Variants in PHEX observed in about 807,000 individuals in gnomAD.
PHEX encodes the protein phosphate-regulating neutral endopeptidase PHEX.
In PHEX, 16 loss-of-function variants were observed where a neutral mutation model predicts 68.0. The observed-to-expected ratio is 0.24, with a 90% confidence interval of 0.16 to 0.36. The LOEUF (loss-of-function observed/expected upper bound fraction) is 0.36, where lower values mean the gene tolerates loss of function less well. Among genes scored for constraint, PHEX ranks in the 10% least tolerant of loss-of-function variants. The pLI is 1.00. For synonymous variants in PHEX, 208 were observed against 205.1 expected (o/e 1.01, Z -0.12); for missense variants, 480 against 575.5 (o/e 0.83, Z 1.70).
At chrX:22,044,800 C>T (rs1319443452) in intron 2 of PHEX, among the ~76,000 whole-genome samples, 1 of 111,131 alleles carries the variant, frequency 9.0e-6, no homozygotes, top group Non-Finnish European at 1.9e-5. Context: ...GATGCTAGTT[C>T]TGAAGCACGA....
chrX:22,121,051 T>C lies in PHEX; in HGVS notation c.1302+6465T>C, dbSNP rs1420384283. ...TGCTTATCTTTATTCATATATCTCA[T>C]CTCTGCCAGTAGGTATTTTTTGCTG... On this transcript the variant is annotated intron_variant, in intron 11 of 21. Coordinates refer to ENST00000379374, the MANE Select transcript of PHEX (RefSeq NM_000444.6). 2.7e-5 allele frequency among the ~76,000 whole-genome samples: 3 copies of C among 112,273 alleles called. No individual in the cohort carries two copies. In the East Asian group the frequency reaches 8.4e-4, roughly 31 times the overall value.
At chrX:22,158,710 A>G (rs750588607) in intron 12 of PHEX, among the ~76,000 whole-genome samples, 1 of 112,315 alleles carries the variant, frequency 8.9e-6, no homozygotes, top group South Asian at 3.7e-4. Flanking sequence ...AGTCACATAT[A>G]TAAAAAGTAG....
intron 9 of PHEX, among the ~76,000 whole-genome samples, chrX:22,105,004 A>G (rs759319698): frequency 8.9e-6 from 1 of 112,442 alleles, no homozygotes; most frequent in East Asian, 2.8e-4. Flanking sequence ...TTAAAGTAAG[A>G]TGATTCTTGT....
At chrX:22,188,908 C>T (rs1271040910) in intron 14 of PHEX, among the ~76,000 whole-genome samples, 1 of 112,130 alleles carries the variant, frequency 8.9e-6, no homozygotes, top group African/African-American at 3.2e-5. Flanking sequence ...TCCCCCATTC[C>T]CCTACCGCCC....
At chrX:22,060,177 A>G (rs1452706406) in intron 3 of PHEX, among the ~76,000 whole-genome samples, 1 of 107,303 alleles carries the variant, frequency 9.3e-6, no homozygotes, top group Non-Finnish European at 1.9e-5. Context: ...AAAAAAGTCA[A>G]TTCTTATTCG....
At chrX:22,200,318 C>A (rs1439041860) in intron 15 of PHEX, among the ~76,000 whole-genome samples, 2 of 112,255 alleles carry the variant, frequency 1.8e-5, no homozygotes, top group Non-Finnish European at 3.8e-5. Flanking sequence ...GAATTACAGT[C>A]ACGTGATAGG....
chrX:22,136,192 T>A (rs1157002579), intron 12 of PHEX, among the ~76,000 whole-genome samples: 1 of 111,340 alleles, frequency 9.0e-6, no homozygotes, highest in Non-Finnish European at 1.9e-5. Flanking sequence ...AAAAAAAATT[T>A]CTTGCCCTTT....
chrX:22,146,248 T>C (rs1215953230), intron 12 of PHEX, among the ~76,000 whole-genome samples: 1 of 112,364 alleles, frequency 8.9e-6, no homozygotes, highest in Non-Finnish European at 1.9e-5. Flanking sequence ...GGTAGCACCT[T>C]ACTAACTTGA....
rs993603252 is a variant in PHEX at position 22,248,291 on chromosome X, T to G, written c.*338T>G. 4.2e-6 allele frequency: 1 copy of G among 236,670 alleles called. No homozygotes were observed. The highest frequency in any genetic ancestry group is 7.6e-6 in the Non-Finnish European group (1 of 130,746). The allele number at this position is 236,670 out of a possible 1,213,427, so 19.5% of individuals were successfully genotyped here. ...TTATGTGGTACATAGCATTTCAATC[T>G]ATAGCTTTGTGGGAAGCCTAAATTG... On this transcript the variant is annotated 3_prime_UTR_variant, in exon 22 of 22. Transcript: ENST00000379374.
chrX:22,041,265 C>CTA lies in PHEX; in HGVS notation c.187+2764_187+2765dup, dbSNP rs556410356. 5.2e-4 allele frequency among the ~76,000 whole-genome samples: 38 copies of CTA among 72,809 alleles called. 1 individual carries two copies. The highest frequency in any genetic ancestry group is 7.1e-3 in the Middle Eastern group (1 of 140). 63.2% of individuals were successfully genotyped at this position (72,809 alleles called of 115,157 possible). A position where few individuals can be genotyped will look rare whatever the true frequency, so the allele number is the denominator to read the frequency against. ...GATCTCTCTCTCTCTCTCTCTCTCT[C>CTA]TATATATATATATATATATATATAT... On this transcript the variant is annotated intron_variant, in intron 2 of 21. Transcript: ENST00000379374.
chrX:22,060,801 A>T (rs1194788049), intron 3 of PHEX, among the ~76,000 whole-genome samples: 1 of 111,814 alleles, frequency 8.9e-6, no homozygotes, highest in Non-Finnish European at 1.9e-5. Flanking sequence ...CCTGAGAAAG[A>T]CGTATACACC....
chrX:22,151,890 G>A (rs894910163), intron 12 of PHEX, among the ~76,000 whole-genome samples: 2 of 111,495 alleles, frequency 1.8e-5, no homozygotes, highest in Admixed American at 1.9e-4. Context: ...TATTTTTAGA[G>A]AGGGAGGGAG....
intron 10 of PHEX, among the ~76,000 whole-genome samples, chrX:22,113,319 G>T (rs774224197): frequency 4.5e-5 from 5 of 111,644 alleles, no homozygotes; most frequent in Non-Finnish European, 9.4e-5. Context: ...AGGAAGAATA[G>T]ATGAAATTAA....
At chrX:22,123,215 G>A (rs1310512008) in intron 11 of PHEX, among the ~76,000 whole-genome samples, 1 of 109,500 alleles carries the variant, frequency 9.1e-6, no homozygotes, top group East Asian at 2.9e-4. Flanking sequence ...TCTTGGACTC[G>A]TGAGCTTAAG....
chrX:22,248,812 C>T lies in PHEX; in HGVS notation c.*859C>T, dbSNP rs1191388361. 9.0e-6 allele frequency: 1 copy of T among 111,158 alleles called. No homozygotes were observed. Among genetic ancestry groups the T allele is most frequent in the Non-Finnish European group, 1.9e-5 (1 of 53,020 alleles). 9.2% of individuals were successfully genotyped at this position (111,158 alleles called of 1,213,427 possible). The stretch of plus-strand genomic sequence containing the variant: ...CTGTCTGCTAGACACTTTTTTTTAG[C>T]CTAATTCTTGTTCGTTTCATTACCT... On this transcript the variant is annotated 3_prime_UTR_variant, in exon 22 of 22. Coordinates refer to ENST00000379374, the MANE Select transcript of PHEX (RefSeq NM_000444.6).
Position 22,122,408 on chromosome X carries a change from G to T in PHEX, c.1302+7822G>T, listed in dbSNP as rs182111769. Among the ~76,000 whole-genome samples, 291 of 111,367 alleles carry T rather than the reference G, an allele frequency of 2.6e-3. 3 individuals carry two copies. The highest frequency in any genetic ancestry group is 8.7e-3 in the African/African-American group (267 of 30,665). ...AATTAAGGCAAACCATGATGATTTGGTTTTTTAAGGGCTTTTTAATATATT... is the reference window on the plus strand; with the variant it reads ...AATTAAGGCAAACCATGATGATTTGTTTTTTTAAGGGCTTTTTAATATATT... On this transcript the variant is annotated intron_variant, in intron 11 of 21. Transcript: ENST00000379374.
intron 5 of PHEX, among the ~76,000 whole-genome samples, chrX:22,082,482 G>A (rs1392071506): frequency 1.8e-5 from 2 of 112,039 alleles, no homozygotes; most frequent in Non-Finnish European, 3.8e-5. Flanking sequence ...TTTTTCATAT[G>A]CTTGTTGGTC....
chrX:22,053,423 A>T (rs1283355252), intron 3 of PHEX, among the ~76,000 whole-genome samples: 1 of 111,671 alleles, frequency 9.0e-6, no homozygotes, highest in East Asian at 2.8e-4. Context: ...GGCTTTGTGA[A>T]TTTTTTTCTT....
chrX:22,113,860 G>C (rs1440200157), intron 10 of PHEX, among the ~76,000 whole-genome samples: 1 of 108,484 alleles, frequency 9.2e-6, no homozygotes, highest in Non-Finnish European at 1.9e-5. Context: ...CCATTGTCCA[G>C]ATTCTTTGTT....
Sources: gnomAD v4.1 joint callset for allele counts (sites outside exome capture counted in the v4.1 genomes callset) on GRCh38, gnomAD v4.1.1 for gene constraint, MANE v1.5 for transcripts, NCBI Gene and HGNC (gene_info 2026-07-23, HGNC 2026-07-21) for gene names.